The following SMG6 variants were observed in gnomAD, a reference collection of about 807,000 sequenced individuals.
SMG6 encodes the protein SMG6 nonsense mediated mRNA decay factor, also known as telomerase-binding protein EST1A.
A neutral mutation model predicts 142.2 loss-of-function variants in SMG6; 66 were observed. The ratio of observed to expected loss-of-function variants is 0.46; its 90% CI spans 0.38 to 0.57. SMG6 has a LOEUF of 0.57. Ranked by LOEUF, SMG6 falls within the 20% of genes least tolerant of loss-of-function variation. The probability of loss-of-function intolerance (pLI) is 0.00; values close to 1 mark genes in which losing one functional copy is unlikely to be tolerated. For missense variants in SMG6, 1,793 were observed against 1,832.0 expected (o/e 0.98, Z 0.39); for synonymous variants, 779 against 702.4 (o/e 1.11, Z -1.72).
chr17:2,143,655 G>A (rs775769978), intron 13 of SMG6, among the ~76,000 whole-genome samples: 4 of 152,152 alleles, frequency 2.6e-5, no homozygotes, highest in Non-Finnish European at 5.9e-5. Context: ...AGTGGTGATT[G>A]TTGTATTGCT....
chr17:2,146,451 C>T (rs1358346824), intron 13 of SMG6, among the ~76,000 whole-genome samples: 2 of 152,220 alleles, frequency 1.3e-5, no homozygotes, highest in African/African-American at 2.4e-5. Context: ...AAGAAACATA[C>T]AGCCTTTGGT....
In SMG6 at chr17:2,298,900, T is replaced by G; in HGVS notation, c.1847+6A>C. The G allele has an allele frequency of 6.2e-7, 1 of 1,609,980 alleles. No individual in the cohort carries two copies. The highest frequency in any genetic ancestry group is 8.5e-7 in the Non-Finnish European group (1 of 1,177,838). Reference sequence around the variant, plus strand: ...TTCCCTCCAGCCAGAATAGACCACATCATACCTGAGTTGCGCCATCTTCTC... The same window carrying G: ...TTCCCTCCAGCCAGAATAGACCACAGCATACCTGAGTTGCGCCATCTTCTC... On this transcript the variant is annotated splice_donor_region_variant and intron_variant, in intron 2 of 18. Transcript: ENST00000263073.
chr17:2,223,700 T>C (rs1223636052), intron 10 of SMG6, among the ~76,000 whole-genome samples: 1 of 152,182 alleles, frequency 6.6e-6, no homozygotes, highest in Non-Finnish European at 1.5e-5. Flanking sequence ...TCCTTTGATC[T>C]TTCTTCCCCA....
In SMG6 at chr17:2,300,109, T is replaced by C. The variant is rs759818022; in HGVS notation, c.644A>G (p.Glu215Gly). 3.7e-6 allele frequency: 6 copies of C among 1,613,992 alleles called. No individual in the cohort carries two copies. The highest frequency in any genetic ancestry group is 4.2e-6 in the Non-Finnish European group (5 of 1,180,034). ...GGGRVGAAKG[E>G]KGKRMGKGEG... Reference sequence around the variant, plus strand: ...CCCTTTTCCCATCCTCTTTCCTTTTTCTCCTTTTGCAGCCCCTACTCTCCC... The same window carrying C: ...CCCTTTTCCCATCCTCTTTCCTTTTCCTCCTTTTGCAGCCCCTACTCTCCC... Residue 215 changes from glutamate to glycine, a missense_variant, in exon 2 of 19, where the codon GAA (glutamate) becomes GGA (glycine). By Grantham distance (98) the Glu-to-Gly change is moderately conservative (BLOSUM62 -2). Transcript: ENST00000263073.
chr17:2,166,191 G>T (rs1028002428), intron 13 of SMG6, among the ~76,000 whole-genome samples: 3 of 151,996 alleles, frequency 2.0e-5, no homozygotes, highest in Non-Finnish European at 4.4e-5. Flanking sequence ...TCCAGCTTGG[G>T]AGACAGAGCC....
chr17:2,291,214 C>T (rs868176725), intron 6 of SMG6, among the ~76,000 whole-genome samples: 20 of 152,158 alleles, frequency 1.3e-4, no homozygotes, highest in Middle Eastern at 6.8e-3. Context: ...GCCTGTAGTC[C>T]CAGCTACTCG....
chr17:2,065,216 G>C, intron 17 of SMG6, 62 bp from the exon 18 acceptor site: 1 of 1,401,826 alleles, frequency 7.1e-7, no homozygotes, highest in Non-Finnish European at 1.0e-6. Flanking sequence ...TGGAGGAGGA[G>C]GAGGGATCCT....
chr17:2,163,195 A>G (rs1370855070), intron 13 of SMG6, among the ~76,000 whole-genome samples: 1 of 151,868 alleles, frequency 6.6e-6, no homozygotes, highest in African/African-American at 2.4e-5. Context: ...AGATTATTTT[A>G]TTTATTTTTT....
rs778428704 is a variant in SMG6, at chr17:2,065,145, CGTT to C, written c.4054_4056del (p.Asn1352del). 6.2e-7 allele frequency: 1 copy of C among 1,613,482 alleles called. No individual in the cohort carries two copies. The highest frequency in any genetic ancestry group is 8.5e-7 in the Non-Finnish European group (1 of 1,179,564). ...AGGCAGCAGGACAGGATGAGATCATCGTTGTTACCCTGGAGGAAGACGTGTGTG... is the reference window on the plus strand; with the variant it reads ...AGGCAGCAGGACAGGATGAGATCATCGTTACCCTGGAGGAAGACGTGTGTG... On this transcript the variant is annotated inframe_deletion, in exon 18 of 19. Transcript: ENST00000263073.
At chr17:2,143,081 A>G (rs2070540431) in intron 13 of SMG6, among the ~76,000 whole-genome samples, 1 of 152,172 alleles carries the variant, frequency 6.6e-6, no homozygotes, top group Non-Finnish European at 1.5e-5. Context: ...AGTGTTAGTG[A>G]AGATGTGGGG....
chr17:2,247,588 G>A (rs1002399030), intron 8 of SMG6, among the ~76,000 whole-genome samples: 5 of 152,152 alleles, frequency 3.3e-5, no homozygotes, highest in African/African-American at 9.7e-5. Flanking sequence ...AGGAGTTCAA[G>A]ACCAGCCTGG....
intron 8 of SMG6, among the ~76,000 whole-genome samples, chr17:2,254,666 C>T (rs1466139218): frequency 6.6e-6 from 1 of 152,112 alleles, no homozygotes; most frequent in Non-Finnish European, 1.5e-5. Context: ...AACAGGTTGA[C>T]ACAGCGTAAG....
At chr17:2,289,184 A>C (rs1234789176) in intron 6 of SMG6, among the ~76,000 whole-genome samples, 1 of 151,668 alleles carries the variant, frequency 6.6e-6, no homozygotes, top group Admixed American at 6.6e-5. Flanking sequence ...TGGGAGGTTG[A>C]GGCTGCAGTG....
intron 6 of SMG6, among the ~76,000 whole-genome samples, chr17:2,290,508 T>C (rs893183216): frequency 1.3e-5 from 2 of 152,210 alleles, no homozygotes; most frequent in African/African-American, 4.8e-5. Flanking sequence ...ATACAACTGC[T>C]AGAAAATAAC....
At position 2,148,782 on chromosome 17, in the gene SMG6, C is replaced by G. The variant is rs942141218; in HGVS notation, c.3357+23876G>C. 2.0e-5 allele frequency among the ~76,000 whole-genome samples: 3 copies of G among 151,754 alleles called. No homozygotes were observed. In the East Asian group the frequency reaches 5.8e-4, roughly 29 times the overall value. ...GCTGAGGCAGGAGAATTGCCTGAAC[C>G]CAGAAAACTGAGGTTGCAGTGAGCT... On this transcript the variant is annotated intron_variant, in intron 13 of 18. Coordinates refer to ENST00000263073, the MANE Select transcript of SMG6 (RefSeq NM_017575.5).
intron 15 of SMG6, among the ~76,000 whole-genome samples, chr17:2,079,025 G>A (rs573665562): frequency 7.9e-5 from 12 of 152,078 alleles, no homozygotes; most frequent in Admixed American, 4.6e-4. Context: ...GTGCAGTGGC[G>A]CAATCTTGGC....
intron 13 of SMG6, among the ~76,000 whole-genome samples, chr17:2,170,240 T>C (rs762110910): frequency 2.6e-5 from 4 of 152,172 alleles, no homozygotes; most frequent in South Asian, 4.1e-4. Flanking sequence ...TGTGGATCAC[T>C]ACATAGGCTG....
chr17:2,066,324 ATGTG>A (rs529909823), intron 16 of SMG6, among the ~76,000 whole-genome samples: 15 of 150,782 alleles, frequency 9.9e-5, no homozygotes, highest in African/African-American at 3.2e-4. Flanking sequence ...GTGTGTGTAC[ATGTG>A]TGTATGTGTA....
chr17:2,267,572 G>A (rs1013414918), intron 8 of SMG6, among the ~76,000 whole-genome samples: 4 of 151,962 alleles, frequency 2.6e-5, no homozygotes, highest in African/African-American at 9.7e-5. Flanking sequence ...ATATAATTAT[G>A]AGACAATGAA....
Sources: gnomAD v4.1 joint callset for allele counts (sites outside exome capture counted in the v4.1 genomes callset) on GRCh38, gnomAD v4.1.1 for gene constraint, MANE v1.5 for transcripts, NCBI Gene and HGNC (gene_info 2026-07-23, HGNC 2026-07-21) for gene names.